TMEM266: variants seen among roughly 807,000 people sequenced by gnomAD.
TMEM266 encodes the protein transmembrane protein 266, also known as Hv1 related protein 1.
In TMEM266, 33 loss-of-function variants were observed where a neutral mutation model predicts 50.5. That is an observed-to-expected ratio of 0.65 (90% CI 0.50 to 0.87). The LOEUF (loss-of-function observed/expected upper bound fraction) is 0.87. Ranked by LOEUF, TMEM266 falls within the 40% of genes least tolerant of loss-of-function variation. The pLI is 0.00. For synonymous variants in TMEM266, 310 were observed against 292.3 expected (o/e 1.06, Z -0.62); for missense variants, 655 against 695.1 (o/e 0.94, Z 0.65).
At chr15:76,200,242 G>T (rs1354593352) in intron 9 of TMEM266, among the ~76,000 whole-genome samples, 1 of 152,170 alleles carries the variant, frequency 6.6e-6, no homozygotes, top group African/African-American at 2.4e-5. Context: ...TCTCAGGCCG[G>T]TATCCAGGGG....
chr15:76,086,979 A>G (rs2036787099), intron 1 of TMEM266, among the ~76,000 whole-genome samples: 1 of 151,016 alleles, frequency 6.6e-6, no homozygotes, highest in African/African-American at 2.4e-5. Context: ...TCCTTTTATT[A>G]CTTGGGCATG....
chr15:76,167,748 G>A (rs1404188919), intron 5 of TMEM266, among the ~76,000 whole-genome samples: 4 of 151,990 alleles, frequency 2.6e-5, no homozygotes, highest in African/African-American at 4.8e-5. Flanking sequence ...CGATCTGCCC[G>A]CCTTGCCCTC....
intron 1 of TMEM266, among the ~76,000 whole-genome samples, chr15:76,111,679 A>G (rs1457686522): frequency 6.6e-6 from 1 of 152,214 alleles, no homozygotes; most frequent in Non-Finnish European, 1.5e-5. Context: ...AAGTGCTGGG[A>G]TTACAGGCAT....
intron 3 of TMEM266, among the ~76,000 whole-genome samples, chr15:76,156,084 T>G (rs2037919758): frequency 6.6e-6 from 1 of 152,194 alleles, no homozygotes; most frequent in Admixed American, 6.5e-5. Flanking sequence ...AGCCCAGCTG[T>G]GAGCAGTGGC....
At chr15:76,079,373 C>T (rs1596088988) in intron 1 of TMEM266, among the ~76,000 whole-genome samples, 1 of 147,426 alleles carries the variant, frequency 6.8e-6, no homozygotes, top group Admixed American at 6.8e-5. Flanking sequence ...ACAAAAGTCA[C>T]AGGAAGGCAG....
At chr15:76,166,091 C>G (rs906638250) in intron 5 of TMEM266, among the ~76,000 whole-genome samples, 26 of 152,188 alleles carry the variant, frequency 1.7e-4, no homozygotes. Flanking sequence ...GAAGCACAGG[C>G]AGTCCGTGGG....
intron 3 of TMEM266, among the ~76,000 whole-genome samples, chr15:76,155,459 G>T (rs546315882): frequency 1.3e-5 from 2 of 152,116 alleles, no homozygotes; most frequent in Non-Finnish European, 2.9e-5. Flanking sequence ...TGCTGTCCTC[G>T]GAGGCCTGAC....
At chr15:76,097,741 A>C (rs982228026) in intron 1 of TMEM266, among the ~76,000 whole-genome samples, 1 of 151,960 alleles carries the variant, frequency 6.6e-6, no homozygotes, top group African/African-American at 2.4e-5. Context: ...AGATACACCA[A>C]TCAAACGTAG....
chr15:76,164,097 A>T (rs1162372794), intron 5 of TMEM266, among the ~76,000 whole-genome samples: 3 of 152,062 alleles, frequency 2.0e-5, no homozygotes, highest in African/African-American at 7.2e-5. Context: ...GTCTCTGTGA[A>T]CTTAACTCTT....
At chr15:76,077,395 C>T (rs904460469) in intron 1 of TMEM266, among the ~76,000 whole-genome samples, 20 of 152,082 alleles carry the variant, frequency 1.3e-4, no homozygotes, top group African/African-American at 2.4e-4. Flanking sequence ...CATATCAACA[C>T]GGATACAATC....
intron 8 of TMEM266, among the ~76,000 whole-genome samples, chr15:76,180,369 T>C (rs568530131): frequency 1.3e-5 from 2 of 152,232 alleles, no homozygotes; most frequent in African/African-American, 4.8e-5. Flanking sequence ...GTCGGGTGTT[T>C]TTGTTTTACA....
At chr15:76,169,518 CT>C (rs1297858156) in intron 5 of TMEM266, among the ~76,000 whole-genome samples, 7 of 152,236 alleles carry the variant, frequency 4.6e-5, no homozygotes, top group African/African-American at 1.4e-4. Context: ...TGAGTGTATT[CT>C]GTATGTACAG....
chr15:76,080,988 C>T lies in TMEM266; in HGVS notation c.-97+20972C>T, dbSNP rs190383215. Among the ~76,000 whole-genome samples, 231 of 151,832 alleles carry T rather than the reference C, an allele frequency of 1.5e-3. 2 individuals are homozygous for T. Among genetic ancestry groups the T allele is most frequent in the African/African-American group, 5.2e-3 (217 of 41,424 alleles). On this transcript the variant is annotated intron_variant, in intron 1 of 10. Transcript: ENST00000388942. The stretch of plus-strand genomic sequence containing the variant: ...CTGGTCTCCAACCCTTGGCTTCAAA[C>T]GACCCTTCCACCTGGCCTCCCAGAG...
intron 8 of TMEM266, chr15:76,178,751 T>C (rs559101705): frequency 6.6e-6 from 1 of 152,252 alleles, no homozygotes; most frequent in Non-Finnish European, 1.5e-5. Flanking sequence ...AAAGAGCCAA[T>C]AAATAAAGAC....
At chr15:76,202,673 G>C (rs999388937) in intron 10 of TMEM266, among the ~76,000 whole-genome samples, 53 of 152,200 alleles carry the variant, frequency 3.5e-4, no homozygotes, top group African/African-American at 1.2e-3. Flanking sequence ...CCTGCTGGAT[G>C]TTCTTGCACT....
intron 8 of TMEM266, among the ~76,000 whole-genome samples, chr15:76,182,015 C>T (rs533303119): frequency 6.6e-6 from 1 of 152,290 alleles, no homozygotes; most frequent in African/African-American, 2.4e-5. Context: ...TGGCAAAATA[C>T]TGAGGGATAT....
In TMEM266 at chr15:76,192,173, C is replaced by T. The variant is rs1031306240; in HGVS notation, c.958+16C>T. On this transcript the variant is annotated intron_variant, in intron 9 of 10. Transcript: ENST00000388942. ...CCCTCGCAAGGTAAGCCCGGGTCTC[C>T]ACCCGGCCCCAGAGTGTCACGGCCG... 2.2e-6 allele frequency: 3 copies of T among 1,393,018 alleles called. No individual in the cohort carries two copies. Among genetic ancestry groups the T allele is most frequent in the Non-Finnish European group, 2.8e-6 (3 of 1,077,980 alleles). The allele number at this position is 1,393,018 out of a possible 1,614,324, so 86.3% of individuals were successfully genotyped here.
At chr15:76,163,834 G>A (rs1224996653) in intron 5 of TMEM266, among the ~76,000 whole-genome samples, 1 of 152,240 alleles carries the variant, frequency 6.6e-6, no homozygotes, top group East Asian at 1.9e-4. Flanking sequence ...GGAGCCTCAG[G>A]CAGTGGTGGC....
intron 9 of TMEM266, among the ~76,000 whole-genome samples, chr15:76,201,225 C>T (rs2038741625): frequency 6.6e-6 from 1 of 152,166 alleles, no homozygotes; most frequent in Non-Finnish European, 1.5e-5. Context: ...CAAGTTCAGA[C>T]CATCCTGTGG....
Sources: allele counts gnomAD v4.1 joint callset (sites outside exome capture counted in the v4.1 genomes callset), GRCh38; gene constraint gnomAD v4.1.1; transcripts MANE v1.5; gene names NCBI Gene and HGNC (gene_info 2026-07-23, HGNC 2026-07-21).